Variants in UNC5B observed in about 807,000 individuals in gnomAD.
UNC5B encodes the protein unc-5 netrin receptor B.
UNC5B carries 56 observed loss-of-function variants against 103.7 expected under a neutral mutation model. The ratio of observed to expected loss-of-function variants is 0.54; its 90% CI spans 0.44 to 0.67. UNC5B has a LOEUF of 0.67. Ranked by LOEUF, UNC5B falls within the 30% of genes least tolerant of loss-of-function variation. UNC5B has a pLI of 0.00. For synonymous variants in UNC5B, 577 were observed against 542.0 expected, an observed-to-expected ratio of 1.06 and a Z score of -0.90; for missense variants, 1,194 against 1,284.5, an observed-to-expected ratio of 0.93 and a Z score of 1.08.
chr10:71,282,335 C>T (rs999445108), intron 2 of UNC5B, among the ~76,000 whole-genome samples: 1 of 152,220 alleles, frequency 6.6e-6, no homozygotes, highest in African/African-American at 2.4e-5. Context: ...TGTCCTGGGC[C>T]AGGCATTGCC....
intron 1 of UNC5B, among the ~76,000 whole-genome samples, chr10:71,260,343 G>A (rs924149441): frequency 2.0e-4 from 30 of 152,386 alleles, no homozygotes; most frequent in African/African-American, 6.5e-4. Context: ...GGGTGGAGGC[G>A]AGAGAGGCGG....
chr10:71,282,363 C>T (rs1844952277), intron 2 of UNC5B, among the ~76,000 whole-genome samples: 1 of 152,238 alleles, frequency 6.6e-6, no homozygotes, highest in Non-Finnish European at 1.5e-5. Context: ...GGAGGGCAGT[C>T]TGATGCTGGG....
chr10:71,243,565 A>G (rs2132261656), intron 1 of UNC5B, among the ~76,000 whole-genome samples: 1 of 152,336 alleles, frequency 6.6e-6, no homozygotes, highest in East Asian at 1.9e-4. Context: ...GCTTCTGGGA[A>G]GATGCCATCC....
At chr10:71,246,555 G>A (rs555361703) in intron 1 of UNC5B, among the ~76,000 whole-genome samples, 1 of 152,220 alleles carries the variant, frequency 6.6e-6, no homozygotes, top group South Asian at 2.1e-4. Context: ...TACAGGATTG[G>A]TGAGTGACTG....
At chr10:71,261,798 G>T (rs905203944) in intron 1 of UNC5B, among the ~76,000 whole-genome samples, 2 of 152,144 alleles carry the variant, frequency 1.3e-5, no homozygotes, top group Admixed American at 6.5e-5. Context: ...CTGAACCTTG[G>T]TTAGTAAAAT....
intron 2 of UNC5B, among the ~76,000 whole-genome samples, chr10:71,281,702 T>G (rs7920225): frequency 0.93 from 140,980 of 152,038 alleles, 65,404 homozygotes; most frequent in Middle Eastern, 0.98. Context: ...CCCACTCTTT[T>G]TCTGAGTGAC....
intron 1 of UNC5B, among the ~76,000 whole-genome samples, chr10:71,250,659 G>A (rs910516622): frequency 2.0e-5 from 3 of 152,220 alleles, no homozygotes; most frequent in African/African-American, 7.2e-5. Flanking sequence ...TGTGGGATGG[G>A]GAGGTGGTGG....
chr10:71,279,754 G>C lies in UNC5B; in HGVS notation c.80-67G>C, dbSNP rs1589189345. On this transcript the variant is annotated intron_variant, in intron 1 of 16. Coordinates refer to ENST00000335350, the MANE Select transcript of UNC5B (RefSeq NM_170744.5). Reference sequence around the variant, plus strand: ...TCTTCGTCTGCGGTGGGCCCCCGGGGTGGGCGAGGGGTGCCACAGGGCCCT... The same window carrying C: ...TCTTCGTCTGCGGTGGGCCCCCGGGCTGGGCGAGGGGTGCCACAGGGCCCT... The C allele has an allele frequency of 7.9e-6, 12 of 1,524,488 alleles. No homozygotes were observed. In the East Asian group the frequency reaches 2.7e-4, roughly 34 times the overall value. The allele number at this position is 1,524,488 out of a possible 1,614,324, so 94.4% of individuals were successfully genotyped here. A position where few individuals can be genotyped will look rare whatever the true frequency, so the allele number is the denominator to read the frequency against.
intron 15 of UNC5B, 62 bp from the exon 16 acceptor site, chr10:71,297,847 G>A (rs564038746): frequency 3.7e-5 from 56 of 1,527,122 alleles, no homozygotes; most frequent in Non-Finnish European, 4.7e-5. Flanking sequence ...CCAAGGGGAG[G>A]GAGGCTGGAG....
intron 1 of UNC5B, among the ~76,000 whole-genome samples, chr10:71,221,586 G>A (rs1843453686): frequency 6.6e-6 from 1 of 152,220 alleles, no homozygotes; most frequent in African/African-American, 2.4e-5. Flanking sequence ...TAAAAACCAT[G>A]GGCCTGACTC....
At chr10:71,274,004 G>A (rs1244083035) in intron 1 of UNC5B, among the ~76,000 whole-genome samples, 2 of 152,230 alleles carry the variant, frequency 1.3e-5, no homozygotes, top group African/African-American at 4.8e-5. Flanking sequence ...GGGGGACCAG[G>A]CTGCAACCTC....
chr10:71,225,669 GAGTT>G (rs1843547364), intron 1 of UNC5B, among the ~76,000 whole-genome samples: 1 of 152,230 alleles, frequency 6.6e-6, no homozygotes, highest in South Asian at 2.1e-4. Context: ...AGGGAGTAGA[GAGTT>G]AGAGTTTTCT....
intron 1 of UNC5B, among the ~76,000 whole-genome samples, chr10:71,226,367 G>A (rs537868927): frequency 3.9e-4 from 59 of 152,210 alleles, no homozygotes; most frequent in Middle Eastern, 3.4e-3. Context: ...GAGCCACCTC[G>A]CCCAGCCCAT....
chr10:71,266,044 T>G (rs1844516036), intron 1 of UNC5B, among the ~76,000 whole-genome samples: 1 of 152,160 alleles, frequency 6.6e-6, no homozygotes, highest in Admixed American at 6.5e-5. Flanking sequence ...GTTCTGGTAT[T>G]TCCTGTCACT....
chr10:71,297,055 G>A (rs1489143796), intron 15 of UNC5B, among the ~76,000 whole-genome samples: 5 of 143,988 alleles, frequency 3.5e-5, no homozygotes, highest in East Asian at 4.0e-4. Context: ...GGGAAGGGCC[G>A]CCAGATATTC....
At chr10:71,292,285 C>T (rs533399177) in intron 10 of UNC5B, among the ~76,000 whole-genome samples, 182 bp from the exon 11 acceptor site, 2 of 152,264 alleles carry the variant, frequency 1.3e-5, no homozygotes, top group South Asian at 2.1e-4. Context: ...GACAAGCCAG[C>T]ACTGGTCAGT....
intron 4 of UNC5B, 64 bp downstream of exon 4, chr10:71,285,493 G>C (rs1217566898): frequency 1.4e-6 from 2 of 1,409,910 alleles, no homozygotes; most frequent in East Asian, 4.9e-5. Flanking sequence ...AGCCAGGCAG[G>C]CATGGTATTT....
chr10:71,253,259 G>A (rs779752105), intron 1 of UNC5B, among the ~76,000 whole-genome samples: 3 of 152,180 alleles, frequency 2.0e-5, no homozygotes, highest in Non-Finnish European at 4.4e-5. Context: ...CCATTAAAGG[G>A]GGCCACCACC....
At chr10:71,260,363 G>A (rs936935627) in intron 1 of UNC5B, among the ~76,000 whole-genome samples, 2 of 152,324 alleles carry the variant, frequency 1.3e-5, no homozygotes, top group East Asian at 1.9e-4. Flanking sequence ...GGCTGGGCCC[G>A]GGAGCACGGA....
Sources: allele counts gnomAD v4.1 joint callset (sites outside exome capture counted in the v4.1 genomes callset), GRCh38; gene constraint gnomAD v4.1.1; transcripts MANE v1.5; gene names NCBI Gene and HGNC (gene_info 2026-07-23, HGNC 2026-07-21).